Variants in LAPTM5 observed in about 807,000 individuals in gnomAD.
The protein encoded by LAPTM5 is lysosomal-associated transmembrane protein 5.
LAPTM5 carries 11 observed loss-of-function variants against 30.1 expected under a neutral mutation model. The observed-to-expected ratio is 0.37, with a 90% CI of 0.23 to 0.60. The LOEUF (loss-of-function observed/expected upper bound fraction) is 0.60. Ranked by LOEUF, LAPTM5 falls within the 20% of genes least tolerant of loss-of-function variation. The pLI, the probability that LAPTM5 is intolerant of heterozygous loss-of-function variation, is 0.71. For missense variants in LAPTM5, 324 were observed against 332.5 expected (o/e 0.97, Z 0.20); for synonymous variants, 151 against 137.9 (o/e 1.10, Z -0.67).
intron 1 of LAPTM5, among the ~76,000 whole-genome samples, chr1:30,743,099 T>C (rs940949252): frequency 5.3e-5 from 8 of 152,216 alleles, no homozygotes; most frequent in African/African-American, 1.9e-4. Context: ...CCTGAATCTC[T>C]GTCTCCCATG....
At chr1:30,744,383 A>G (rs1375952435) in intron 1 of LAPTM5, among the ~76,000 whole-genome samples, 1 of 152,160 alleles carries the variant, frequency 6.6e-6, no homozygotes, top group South Asian at 2.1e-4. Flanking sequence ...AGGGAGGCAG[A>G]TGACAGCTCC....
chr1:30,744,853 G>A (rs775768286), intron 1 of LAPTM5, among the ~76,000 whole-genome samples: 5 of 151,968 alleles, frequency 3.3e-5, no homozygotes, highest in Non-Finnish European at 5.9e-5. Flanking sequence ...TTGCACACAC[G>A]CCTCTATTTT....
chr1:30,756,628 C>T (rs1009617956), intron 1 of LAPTM5, among the ~76,000 whole-genome samples: 1 of 152,198 alleles, frequency 6.6e-6, no homozygotes, highest in South Asian at 2.1e-4. Flanking sequence ...TGAACAGCAT[C>T]GCCCCCCTGA....
At chr1:30,734,877 T>G (rs1639863725) in intron 7 of LAPTM5, among the ~76,000 whole-genome samples, 1 of 152,222 alleles carries the variant, frequency 6.6e-6, no homozygotes, top group Non-Finnish European at 1.5e-5. Flanking sequence ...AAGTTGTAAT[T>G]GTATCTATGT....
intron 1 of LAPTM5, among the ~76,000 whole-genome samples, chr1:30,744,328 G>T (rs1484465484): frequency 6.6e-6 from 1 of 152,168 alleles, no homozygotes; most frequent in Non-Finnish European, 1.5e-5. Flanking sequence ...AGGCCAGGCC[G>T]CAGCCCCTCT....
At chr1:30,753,544 C>T (rs1156742870) in intron 1 of LAPTM5, among the ~76,000 whole-genome samples, 1 of 152,098 alleles carries the variant, frequency 6.6e-6, no homozygotes, top group African/African-American at 2.4e-5. Flanking sequence ...CATGAGAAAA[C>T]CACCAGAGAC....
At chr1:30,750,706 G>A (rs551130054) in intron 1 of LAPTM5, among the ~76,000 whole-genome samples, 32 of 152,280 alleles carry the variant, frequency 2.1e-4, no homozygotes, top group African/African-American at 7.2e-4. Context: ...GCAGACACCT[G>A]GGCTCGGGTT....
chr1:30,755,849 G>A (rs999725900), intron 1 of LAPTM5, among the ~76,000 whole-genome samples: 1 of 152,172 alleles, frequency 6.6e-6, no homozygotes, highest in African/African-American at 2.4e-5. Flanking sequence ...TCAGAAGAGC[G>A]GCCACCAGGG....
chr1:30,739,930 T>C lies in LAPTM5; in HGVS notation c.266A>G (p.Glu89Gly). The stretch of plus-strand genomic sequence containing the variant: ...GGACAGGAAGGGCAGCAGGTACTTC[T>C]CCCGGTTCTGAAAGGTAGGCCCAGC... ...SLLIGVVKNR[E>G]KYLLPFLSLQ... The change falls in exon 4 of 8, where the codon GAG becomes GGG. Residue 89 changes from glutamate (E) to glycine (G), a missense_variant. Coordinates refer to ENST00000294507, the MANE Select transcript of LAPTM5 (RefSeq NM_006762.3). This position sits in a 1 kb window ranked among gnomAD's most constrained non-coding sequence, Gnocchi z 4.2. The C allele has an allele frequency of 6.3e-7, 1 of 1,595,700 alleles. No individual in the cohort carries two copies. Among genetic ancestry groups the C allele is most frequent in the Non-Finnish European group, 8.6e-7 (1 of 1,169,482 alleles).
At chr1:30,748,689 G>A (rs547321887) in intron 1 of LAPTM5, among the ~76,000 whole-genome samples, 4 of 152,284 alleles carry the variant, frequency 2.6e-5, no homozygotes, top group Admixed American at 6.5e-5. Flanking sequence ...CTGGGGCCAC[G>A]CACTCCGCAG....
At chr1:30,735,314 C>T (rs368441175) in intron 6 of LAPTM5, 49 bp from the exon 7 acceptor site, 83 of 1,499,300 alleles carry the variant, frequency 5.5e-5, no homozygotes, top group Middle Eastern at 1.8e-4. Flanking sequence ...GTCCTTCTCA[C>T]GCTCCAGCAG....
intron 1 of LAPTM5, among the ~76,000 whole-genome samples, chr1:30,749,473 G>T (rs1008214547): frequency 6.6e-6 from 1 of 152,176 alleles, no homozygotes; most frequent in Non-Finnish European, 1.5e-5. Flanking sequence ...TTTTCTATAG[G>T]TAAATTATAC....
intron 6 of LAPTM5, among the ~76,000 whole-genome samples, chr1:30,736,949 T>C (rs10914190): frequency 0.39 from 58,537 of 152,002 alleles, 12,366 homozygotes; most frequent in Non-Finnish European, 0.46. Context: ...TCCTCTATTT[T>C]CCATGCTGAA....
intron 1 of LAPTM5, among the ~76,000 whole-genome samples, chr1:30,747,160 G>A (rs760605055): frequency 2.6e-5 from 4 of 152,168 alleles, no homozygotes; most frequent in Non-Finnish European, 5.9e-5. Context: ...AAACCCATGA[G>A]CGTGGCTTTG....
rs781309185 is a variant in LAPTM5 at position 30,733,878 on chromosome 1, A to C, written c.739T>G (p.Ser247Ala). Reference sequence around the variant, plus strand: ...GCTGGGCCCCCCTCTGGGGTCTTCGATGGCAAAGACAGGGCTTCCTCGTAG... The same window carrying C: ...GCTGGGCCCCCCTCTGGGGTCTTCGCTGGCAAAGACAGGGCTTCCTCGTAG... The part of the protein sequence containing the change: ...PSYEEALSLP[S>A]KTPEGGPAPP... The change falls in exon 8 of 8, where the codon TCG becomes GCG. Residue 247 changes from serine to alanine, a missense_variant. Coordinates refer to ENST00000294507, the MANE Select transcript of LAPTM5 (RefSeq NM_006762.3). The C allele has an allele frequency of 6.2e-7, 1 of 1,611,314 alleles. No individual in the cohort carries two copies. Among genetic ancestry groups the C allele is most frequent in the South Asian group, 1.1e-5 (1 of 90,904 alleles).
At chr1:30,754,715 G>C (rs1640184508) in intron 1 of LAPTM5, among the ~76,000 whole-genome samples, 1 of 152,210 alleles carries the variant, frequency 6.6e-6, no homozygotes, top group Non-Finnish European at 1.5e-5. Flanking sequence ...TGAGGAAGAT[G>C]CCCGAGCCCA....
At chr1:30,754,619 A>T (rs186257577) in intron 1 of LAPTM5, among the ~76,000 whole-genome samples, 119 of 151,358 alleles carry the variant, frequency 7.9e-4, no homozygotes, top group Admixed American at 1.4e-3. Context: ...TAGATTTTTT[A>T]AAAAAAGAAA....
chr1:30,744,937 A>T (rs573893220), intron 1 of LAPTM5, among the ~76,000 whole-genome samples: 4 of 152,206 alleles, frequency 2.6e-5, no homozygotes, highest in Admixed American at 2.0e-4. Context: ...CTACTAAAAA[A>T]TTTCCAGAAA....
At position 30,733,343 on chromosome 1, in the gene LAPTM5, T is replaced by C; in HGVS notation, c.*485A>G. On this transcript the variant is annotated 3_prime_UTR_variant, in exon 8 of 8. Transcript: ENST00000294507. ...GCTATTTGAAGAAATTGATTACATA[T>C]ATTTATATATAGGGGGTAACTAATT... 3 of 290,184 alleles carry C rather than the reference T, an allele frequency of 1.0e-5. No homozygotes were observed. The highest frequency in any genetic ancestry group is 1.0e-4 in the South Asian group (3 of 29,514). The allele number at this position is 290,184 out of a possible 1,614,324, so 18.0% of individuals were successfully genotyped here.
Sources: allele counts gnomAD v4.1 joint callset (sites outside exome capture counted in the v4.1 genomes callset), GRCh38; gene constraint gnomAD v4.1.1; non-coding constraint Gnocchi (gnomAD v3.1); transcripts MANE v1.5; gene names NCBI Gene and HGNC (gene_info 2026-07-23, HGNC 2026-07-21).